EPB41L4A: variants seen among roughly 807,000 people sequenced by gnomAD.
EPB41L4A encodes band 4.1-like protein 4A.
Under a neutral mutation model 108.6 loss-of-function variants are expected in EPB41L4A, and 100 were observed. The ratio of observed to expected loss-of-function variants is 0.92; its 90% CI spans 0.78 to 1.09. The LOEUF is 1.09. EPB41L4A is among the 50% of genes least tolerant of loss of function. The pLI is 0.00. For missense variants in EPB41L4A, 1,030 were observed against 842.7 expected (o/e 1.22, Z -2.75); for synonymous variants, 319 against 289.0 (o/e 1.10, Z -1.05).
rs1682860181 is a variant in EPB41L4A at position 112,164,023 on chromosome 5, G to A, written c.*967C>T. 1 of 152,208 alleles carries A rather than the reference G, an allele frequency of 6.6e-6. No homozygotes were observed. The highest frequency in any genetic ancestry group is 2.1e-4 in the South Asian group (1 of 4,832). The allele number at this position is 152,208 out of a possible 1,614,324, so 9.4% of individuals were successfully genotyped here. A position where few individuals can be genotyped will look rare whatever the true frequency, so the allele number is the denominator to read the frequency against. On this transcript the variant is annotated 3_prime_UTR_variant, in exon 23 of 23. Transcript: ENST00000261486. ...CCTGTAGATTGCAAAGTCATCTATG[G>A]AGAGGAAAGGTACAAAATAGTCACT...
intron 12 of EPB41L4A, among the ~76,000 whole-genome samples, chr5:112,229,624 A>T (rs1276116853): frequency 6.6e-6 from 1 of 151,780 alleles, no homozygotes; most frequent in Non-Finnish European, 1.5e-5. Flanking sequence ...GTGTCCTCAT[A>T]GCTTAGCTCC....
chr5:112,172,656 A>G (rs972029502), intron 18 of EPB41L4A, among the ~76,000 whole-genome samples: 5 of 152,250 alleles, frequency 3.3e-5, no homozygotes, highest in Non-Finnish European at 5.9e-5. Flanking sequence ...ACTGTCAGAG[A>G]AAGTGCTAAT....
chr5:112,333,595 T>C (rs1459379979), intron 1 of EPB41L4A, among the ~76,000 whole-genome samples: 1 of 152,194 alleles, frequency 6.6e-6, no homozygotes, highest in Non-Finnish European at 1.5e-5. Context: ...CTCAATTGCC[T>C]GACTCTCTGG....
intron 10 of EPB41L4A, among the ~76,000 whole-genome samples, chr5:112,240,344 TA>T (rs1749677856): frequency 6.6e-6 from 1 of 152,200 alleles, no homozygotes; most frequent in East Asian, 1.9e-4. Flanking sequence ...CTAACTGACT[TA>T]CCACATTTCT....
At chr5:112,377,456 T>C (rs764082550) in intron 1 of EPB41L4A, among the ~76,000 whole-genome samples, 16 of 152,156 alleles carry the variant, frequency 1.1e-4, no homozygotes, top group Non-Finnish European at 1.8e-4. Flanking sequence ...ACTGGCCCAC[T>C]GAACCCTGAC....
At chr5:112,417,341 C>T (rs757140520) in intron 1 of EPB41L4A, among the ~76,000 whole-genome samples, 22 of 152,232 alleles carry the variant, frequency 1.4e-4, no homozygotes, top group Non-Finnish European at 1.6e-4. Flanking sequence ...AGGAAGCTCA[C>T]ATTCCAGATG....
chr5:112,308,803 C>A (rs984090310), intron 1 of EPB41L4A, among the ~76,000 whole-genome samples: 1 of 152,098 alleles, frequency 6.6e-6, no homozygotes, highest in Non-Finnish European at 1.5e-5. Flanking sequence ...GCCAAAAAGA[C>A]CATTACAATT....
chr5:112,226,935 TA>T (rs1748495305), intron 12 of EPB41L4A, among the ~76,000 whole-genome samples: 1 of 150,352 alleles, frequency 6.7e-6, no homozygotes, highest in South Asian at 2.1e-4. Flanking sequence ...AACTTACTCT[TA>T]AAATGCTTAA....
chr5:112,326,545 CAA>C (rs1756176514), intron 1 of EPB41L4A, among the ~76,000 whole-genome samples: 2 of 152,094 alleles, frequency 1.3e-5, no homozygotes, highest in East Asian at 3.8e-4. Context: ...AAAGTTCTAC[CAA>C]TGGGCTTTTG....
At chr5:112,267,841 G>T (rs540949122) in intron 4 of EPB41L4A, among the ~76,000 whole-genome samples, 1 of 152,072 alleles carries the variant, frequency 6.6e-6, no homozygotes, top group African/African-American at 2.4e-5. Flanking sequence ...TAAAGTTCAA[G>T]CTCCTTAAGA....
intron 1 of EPB41L4A, among the ~76,000 whole-genome samples, chr5:112,353,421 C>T (rs908786261): frequency 5.3e-5 from 8 of 152,010 alleles, no homozygotes; most frequent in African/African-American, 1.9e-4. Context: ...ACAATGGAAG[C>T]AGTGGTGGTA....
intron 1 of EPB41L4A, among the ~76,000 whole-genome samples, chr5:112,313,508 T>C (rs973710703): frequency 1.4e-4 from 21 of 152,098 alleles, no homozygotes; most frequent in Non-Finnish European, 7.4e-5. Flanking sequence ...GAAGAATCGC[T>C]TGAACCCGGG....
chr5:112,281,786 T>C (rs1752982053), intron 2 of EPB41L4A, among the ~76,000 whole-genome samples: 1 of 152,250 alleles, frequency 6.6e-6, no homozygotes, highest in Non-Finnish European at 1.5e-5. Flanking sequence ...CCTTACCCTT[T>C]ATTCCTAATT....
chr5:112,299,200 T>A (rs1275089498), intron 2 of EPB41L4A, among the ~76,000 whole-genome samples: 1 of 152,216 alleles, frequency 6.6e-6, no homozygotes, highest in Admixed American at 6.5e-5. Context: ...TGGTTTGGTT[T>A]GTTCTTGTTT....
chr5:112,145,038 C>T, intron 13 of EPB41L4A, among the ~76,000 whole-genome samples: 1 of 152,090 alleles, frequency 6.6e-6, no homozygotes, highest in East Asian at 1.9e-4. Context: ...GCTTGTAATC[C>T]CGGCACTTTG....
intron 11 of EPB41L4A, among the ~76,000 whole-genome samples, chr5:112,235,620 C>T (rs1423221131): frequency 3.9e-5 from 6 of 152,160 alleles, no homozygotes; most frequent in African/African-American, 1.4e-4. Context: ...AGGATAAACA[C>T]AGGTGAGTGT....
At chr5:112,327,630 A>G (rs2150650712) in intron 1 of EPB41L4A, among the ~76,000 whole-genome samples, 1 of 152,282 alleles carries the variant, frequency 6.6e-6, no homozygotes, top group East Asian at 1.9e-4. Flanking sequence ...TTGGGAAGAT[A>G]ATTTGAAAGC....
intron 1 of EPB41L4A, among the ~76,000 whole-genome samples, chr5:112,406,497 T>A (rs1310021466): frequency 6.6e-6 from 1 of 152,124 alleles, no homozygotes; most frequent in East Asian, 1.9e-4. Context: ...CCATCTCTTA[T>A]GTAATTTTTT....
chr5:112,339,508 A>ATATATATC (rs1561585358), intron 1 of EPB41L4A, among the ~76,000 whole-genome samples: 6 of 55,548 alleles, frequency 1.1e-4, no homozygotes, highest in African/African-American at 3.8e-4. Flanking sequence ...ATATATATAT[A>ATATATATC]TAGATATATA....
Sources: gnomAD v4.1 joint callset for allele counts (sites outside exome capture counted in the v4.1 genomes callset) on GRCh38, gnomAD v4.1.1 for gene constraint, MANE v1.5 for transcripts, NCBI Gene and HGNC (gene_info 2026-07-23, HGNC 2026-07-21) for gene names.